The following ABHD18 variants were observed in gnomAD, a reference collection of about 807,000 sequenced individuals.
ABHD18 encodes the protein abhydrolase domain containing 18.
In ABHD18, 55 loss-of-function variants were observed where a neutral mutation model predicts 65.9. That is an observed-to-expected ratio of 0.84 (90% CI 0.67 to 1.05). ABHD18 has a LOEUF of 1.05. ABHD18 is among the 50% of genes least tolerant of loss of function. The pLI, the probability that ABHD18 is intolerant of heterozygous loss-of-function variation, is 0.00. For synonymous variants in ABHD18, 181 were observed against 180.2 expected (o/e 1.00, Z -0.04); for missense variants, 533 against 558.5 (o/e 0.95, Z 0.46).
rs115677300 is a variant in ABHD18 at position 128,027,476 on chromosome 4, G to C, written c.802-999G>C. ...GCTGAAGTGCAGTGGCACGATATCA[G>C]GTCACTGCAACCACTGCCTCCCAGA... On this transcript the variant is annotated intron_variant, in intron 10 of 12. Coordinates refer to ENST00000645843, the MANE Select transcript of ABHD18 (RefSeq NM_001358451.3). Among the ~76,000 whole-genome samples the C allele has an allele frequency of 5.0e-3, 753 of 151,914 alleles. 7 individuals are homozygous for C. Among genetic ancestry groups the C allele is most frequent in the African/African-American group, 0.015 (636 of 41,430 alleles).
chr4:127,987,725 A>C (rs1295839012), intron 3 of ABHD18, among the ~76,000 whole-genome samples: 1 of 151,904 alleles, frequency 6.6e-6, no homozygotes, highest in East Asian at 1.9e-4. Context: ...AAAATAAATA[A>C]ATAAAAATAA....
chr4:128,030,185 G>A (rs1032610303), intron 11 of ABHD18, among the ~76,000 whole-genome samples: 4 of 152,008 alleles, frequency 2.6e-5, no homozygotes, highest in Admixed American at 1.3e-4. Context: ...TGATTGAGGC[G>A]ATGCATACCT....
chr4:127,990,757 A>G (rs982382422), intron 4 of ABHD18, among the ~76,000 whole-genome samples: 1 of 152,188 alleles, frequency 6.6e-6, no homozygotes, highest in African/African-American at 2.4e-5. Context: ...ATGTAAATAG[A>G]TGTTCCGAAA....
chr4:128,017,824 T>C (rs545386541), intron 8 of ABHD18, among the ~76,000 whole-genome samples: 17 of 152,358 alleles, frequency 1.1e-4, no homozygotes, highest in African/African-American at 3.8e-4. Flanking sequence ...GAAAATACTT[T>C]CCATTTATCT....
At position 127,965,613 on chromosome 4, in the gene ABHD18, A is replaced by G. The variant is rs547982125; in HGVS notation, c.-18+7A>G. ...GGCTTCCACCTGGCGGCCAGTAAGTAGCCGGTCCGGTTAAGTAGTAGGTGC... is the reference window on the plus strand; with the variant it reads ...GGCTTCCACCTGGCGGCCAGTAAGTGGCCGGTCCGGTTAAGTAGTAGGTGC... On this transcript the variant is annotated splice_region_variant and intron_variant, in intron 1 of 12. Transcript: ENST00000645843. 2.2e-5 allele frequency: 5 copies of G among 231,852 alleles called. No individual in the cohort carries two copies. The Admixed American group carries it at 2.6e-4, about 12-fold the overall frequency. The allele number at this position is 231,852 out of a possible 1,614,324, so 14.4% of individuals were successfully genotyped here.
At chr4:128,013,800 T>C (rs1335149645) in intron 7 of ABHD18, among the ~76,000 whole-genome samples, 2 of 152,034 alleles carry the variant, frequency 1.3e-5, no homozygotes, top group Admixed American at 6.6e-5. Flanking sequence ...GCTGGAGATG[T>C]AGATTTGGAA....
At chr4:128,035,619 G>A (rs1758806658) in intron 12 of ABHD18, 143 bp from the exon 13 acceptor site, 1 of 538,220 alleles carries the variant, frequency 1.9e-6, no homozygotes, top group Non-Finnish European at 3.4e-6. Flanking sequence ...TTCTGGGGAG[G>A]GTAACTGCCT....
intron 10 of ABHD18, among the ~76,000 whole-genome samples, chr4:128,026,872 G>A (rs1305636540): frequency 2.7e-5 from 4 of 149,568 alleles, no homozygotes; most frequent in Admixed American, 1.3e-4. Context: ...TGTAACCTCC[G>A]CCTCCTGGGT....
At chr4:127,999,174 C>T (rs1289001314) in intron 4 of ABHD18, among the ~76,000 whole-genome samples, 1 of 152,022 alleles carries the variant, frequency 6.6e-6, no homozygotes, top group Non-Finnish European at 1.5e-5. Flanking sequence ...ATCCCAGCTA[C>T]TAAGGGGGCT....
chr4:127,966,695 A>T (rs1745508393), intron 1 of ABHD18, among the ~76,000 whole-genome samples: 1 of 103,722 alleles, frequency 9.6e-6, no homozygotes, highest in South Asian at 3.9e-4. Flanking sequence ...CGTCTCTACT[A>T]AAAATACAAA....
chr4:128,007,867 A>C (rs1035533330), intron 4 of ABHD18, among the ~76,000 whole-genome samples: 1 of 152,152 alleles, frequency 6.6e-6, no homozygotes, highest in Non-Finnish European at 1.5e-5. Flanking sequence ...CATATACTAA[A>C]AGTTTTAAAA....
intron 3 of ABHD18, among the ~76,000 whole-genome samples, chr4:127,988,514 G>A (rs1750373735): frequency 6.6e-6 from 1 of 152,172 alleles, no homozygotes; most frequent in African/African-American, 2.4e-5. Flanking sequence ...TTACAGGTGT[G>A]AGCCATTGTG....
Position 128,028,660 on chromosome 4 carries a change from C to CT in ABHD18, c.989dup (p.Leu330PhefsTer7). 6.2e-7 allele frequency: 1 copy of CT among 1,613,878 alleles called. No homozygotes were observed. Among genetic ancestry groups the CT allele is most frequent in the Non-Finnish European group, 8.5e-7 (1 of 1,179,868 alleles). On this transcript the variant is annotated frameshift_variant, in exon 11 of 13. Coordinates refer to ENST00000645843, the MANE Select transcript of ABHD18 (RefSeq NM_001358451.3). LOFTEE classifies it high-confidence loss of function. Reference sequence around the variant, plus strand: ...CTGTCAGTGCGACATCAGAAGGACTCTTATTGCAAGATACCTCTAAGATGA... The same window carrying CT: ...CTGTCAGTGCGACATCAGAAGGACTCTTTATTGCAAGATACCTCTAAGATGA...
At chr4:128,031,169 T>A (rs935752882) in intron 12 of ABHD18, 2 of 984,998 alleles carry the variant, frequency 2.0e-6, no homozygotes, top group African/African-American at 3.5e-5. Flanking sequence ...AAAACTTTTA[T>A]GCTGGCTGGG....
At chr4:128,020,690 T>C (rs1756347109) in intron 9 of ABHD18, among the ~76,000 whole-genome samples, 1 of 152,156 alleles carries the variant, frequency 6.6e-6, no homozygotes, top group African/African-American at 2.4e-5. Context: ...TGTTTACTGG[T>C]CAAGTTCCCA....
intron 1 of ABHD18, among the ~76,000 whole-genome samples, chr4:127,971,406 C>T (rs188566649): frequency 2.7e-4 from 41 of 150,224 alleles, no homozygotes; most frequent in Admixed American, 1.1e-3. Context: ...TTAAAATTAT[C>T]ACCTAGAATT....
At chr4:128,024,406 T>C (rs964884385) in intron 10 of ABHD18, among the ~76,000 whole-genome samples, 1 of 152,122 alleles carries the variant, frequency 6.6e-6, no homozygotes, top group African/African-American at 2.4e-5. Context: ...CACATGAACT[T>C]TGGGGGACAT....
At chr4:127,986,185 C>A (rs1342551052) in intron 3 of ABHD18, among the ~76,000 whole-genome samples, 3 of 152,152 alleles carry the variant, frequency 2.0e-5, no homozygotes, top group African/African-American at 7.2e-5. Context: ...ATTGCCTCTT[C>A]CCCCACCTGC....
At chr4:128,028,932 G>T in intron 11 of ABHD18, 79 bp downstream of exon 11, 1 of 1,152,556 alleles carries the variant, frequency 8.7e-7, no homozygotes, top group Non-Finnish European at 1.2e-6. Context: ...TGCTCTATAA[G>T]ATAATTTTAT....
Sources: gnomAD v4.1 joint callset for allele counts (sites outside exome capture counted in the v4.1 genomes callset) on GRCh38, gnomAD v4.1.1 for gene constraint, MANE v1.5 for transcripts, NCBI Gene and HGNC (gene_info 2026-07-23, HGNC 2026-07-21) for gene names.